NSMAF: variants seen among roughly 807,000 people sequenced by gnomAD.
The protein encoded by NSMAF is protein FAN.
NSMAF carries 90 observed loss-of-function variants against 134.9 expected under a neutral mutation model. The observed-to-expected ratio is 0.67, with a 90% CI of 0.56 to 0.79. The LOEUF (loss-of-function observed/expected upper bound fraction) is 0.79, where lower values mean the gene tolerates loss of function less well. Among genes scored for constraint, NSMAF ranks in the 30% least tolerant of loss-of-function variants. NSMAF has a pLI of 0.00. For synonymous variants in NSMAF, 358 were observed against 389.6 expected (o/e 0.92, Z 0.96); for missense variants, 1,010 against 1,119.0 (o/e 0.90, Z 1.39).
rs918773666 is a variant in NSMAF, at chr8:58,619,188, A to G, written c.557+4032T>C. Among the ~76,000 whole-genome samples, 4 of 152,194 alleles carry G rather than the reference A, an allele frequency of 2.6e-5. No individual in the cohort carries two copies. In the East Asian group the frequency reaches 5.8e-4, roughly 22 times the overall value. ...TAAAAATGGAAATAAAATTAACGCT[A>G]TATAGTGAAGCAGAGAAAGAATCAA... On this transcript the variant is annotated intron_variant, in intron 9 of 30. Transcript: ENST00000038176.
rs1192212286 is a variant in NSMAF at position 58,586,701 on chromosome 8, T to C, written c.2296-93A>G. On this transcript the variant is annotated intron_variant, in intron 27 of 30. Coordinates refer to ENST00000038176, the MANE Select transcript of NSMAF (RefSeq NM_003580.4). ...TGGTTCAAATATGTAGTCATCATGA[T>C]ATAAATTAAACTCTATTGTGCAGTA... The C allele has an allele frequency of 1.1e-5, 11 of 1,044,062 alleles. No individual in the cohort carries two copies. The East Asian group carries it at 2.4e-4, about 23-fold the overall frequency. The allele number at this position is 1,044,062 out of a possible 1,614,324, so 64.7% of individuals were successfully genotyped here.
Position 58,597,665 on chromosome 8 carries a change from A to G in NSMAF, c.1629-115T>C, listed in dbSNP as rs181166254. On this transcript the variant is annotated intron_variant, in intron 20 of 30. Coordinates refer to ENST00000038176, the MANE Select transcript of NSMAF (RefSeq NM_003580.4). The stretch of plus-strand genomic sequence containing the variant: ...GACTAACCCTCAAATAATGACAGCA[A>G]CTATGTACCAGGATTGTCTAAACCT... The G allele has an allele frequency of 9.3e-5, 98 of 1,053,842 alleles. No homozygotes were observed. In the East Asian group the frequency reaches 1.3e-3, roughly 14 times the overall value. 65.3% of individuals were successfully genotyped at this position (1,053,842 alleles called of 1,614,324 possible). A position where few individuals can be genotyped will look rare whatever the true frequency, so the allele number is the denominator to read the frequency against.
intron 14 of NSMAF, 41 bp from the exon 15 acceptor site, chr8:58,601,576 G>A: frequency 1.3e-6 from 2 of 1,557,432 alleles, no homozygotes; most frequent in East Asian, 2.3e-5. Context: ...CTAAGTGTTG[G>A]CTATGAAATA....
intron 21 of NSMAF, among the ~76,000 whole-genome samples, chr8:58,596,998 T>C (rs1806151350): frequency 6.6e-6 from 1 of 151,368 alleles, no homozygotes; most frequent in South Asian, 2.1e-4. Context: ...AGAAAGTCCC[T>C]TCTGGAAGAC....
chr8:58,640,184 T>C, intron 2 of NSMAF: 2 of 409,196 alleles, frequency 4.9e-6, no homozygotes, highest in Non-Finnish European at 9.9e-6. Context: ...AGATCTTATA[T>C]GTTCTTATTC....
At chr8:58,593,762 A>C (rs1806071659) in intron 23 of NSMAF, among the ~76,000 whole-genome samples, 1 of 152,276 alleles carries the variant, frequency 6.6e-6, no homozygotes, top group Non-Finnish European at 1.5e-5. Context: ...GTATAAGCAT[A>C]TTAAATAATA....
intron 11 of NSMAF, among the ~76,000 whole-genome samples, chr8:58,606,540 C>A (rs1034367675): frequency 6.6e-6 from 1 of 152,122 alleles, no homozygotes; most frequent in African/African-American, 2.4e-5. Flanking sequence ...CTCAGCCTCT[C>A]GAGTAGCTAA....
chr8:58,586,204 GT>G (rs1805882151), intron 28 of NSMAF: 2 of 630,076 alleles, frequency 3.2e-6, no homozygotes, highest in Non-Finnish European at 2.8e-6. Flanking sequence ...TTGATTATGA[GT>G]TCATTTTTAT....
intron 2 of NSMAF, 110 bp from the exon 3 acceptor site, chr8:58,635,656 A>G (rs1807157963): frequency 3.0e-6 from 2 of 663,800 alleles, no homozygotes; most frequent in Admixed American, 2.8e-5. Flanking sequence ...ATAATAAAAG[A>G]TCAATAATGC....
chr8:58,656,954 T>C (rs1419049479), intron 1 of NSMAF, among the ~76,000 whole-genome samples: 1 of 152,186 alleles, frequency 6.6e-6, no homozygotes, highest in Non-Finnish European at 1.5e-5. Flanking sequence ...ACTATCGCAA[T>C]TACTTATACT....
In NSMAF at chr8:58,605,920, G is replaced by A. The variant is rs764170653; in HGVS notation, c.868+7C>T. On this transcript the variant is annotated splice_region_variant and intron_variant, in intron 12 of 30. Coordinates refer to ENST00000038176, the MANE Select transcript of NSMAF (RefSeq NM_003580.4). ...AAGAAAGAAACAATGAAGGGTGAGCGCCAAACCTAGGTATGTGGCAATGTA... is the reference window on the plus strand; with the variant it reads ...AAGAAAGAAACAATGAAGGGTGAGCACCAAACCTAGGTATGTGGCAATGTA... 5.2e-6 allele frequency: 8 copies of A among 1,543,010 alleles called. No individual in the cohort carries two copies. The highest frequency in any genetic ancestry group is 2.6e-5 in the South Asian group (2 of 78,416).
Position 58,589,989 on chromosome 8 carries a change from G to A in NSMAF, c.2087+18C>T. The A allele has an allele frequency of 6.2e-7, 1 of 1,607,720 alleles. No homozygotes were observed. Among genetic ancestry groups the A allele is most frequent in the Non-Finnish European group, 8.5e-7 (1 of 1,174,318 alleles). ...ATTCTGCACGTCGAATCACAGAGCA[G>A]GGTGCACAGATACATACACATTATT... On this transcript the variant is annotated intron_variant, in intron 25 of 30. Transcript: ENST00000038176.
chr8:58,586,341 T>C (rs1805884386), intron 28 of NSMAF, 117 bp downstream of exon 28: 3 of 1,059,484 alleles, frequency 2.8e-6, no homozygotes, highest in South Asian at 1.5e-5. Flanking sequence ...ACCTCTTTTA[T>C]CAGCAAATAG....
intron 9 of NSMAF, among the ~76,000 whole-genome samples, chr8:58,619,290 G>C (rs1806730867): frequency 6.6e-6 from 1 of 152,116 alleles, no homozygotes; most frequent in Admixed American, 6.6e-5. Flanking sequence ...AAAATGTAGG[G>C]TAAGGGTCAA....
chr8:58,591,481 C>CTTT lies in NSMAF; in HGVS notation c.1952-550_1952-548dup, dbSNP rs1018380152. On this transcript the variant is annotated intron_variant, in intron 23 of 30. Transcript: ENST00000038176. ...ATTTTCTTGTGTAACAGAAACCTTC[C>CTTT]TTTTTTTTTTTTTTTTTTTTTTTTT... 2.8e-3 allele frequency among the ~76,000 whole-genome samples: 263 copies of CTTT among 94,466 alleles called. 11 individuals carry two copies. Among genetic ancestry groups the CTTT allele is most frequent in the African/African-American group, 0.01 (204 of 19,530 alleles). 62.0% of individuals were successfully genotyped at this position (94,466 alleles called of 152,430 possible). A position where few individuals can be genotyped will look rare whatever the true frequency, so the allele number is the denominator to read the frequency against.
intron 2 of NSMAF, among the ~76,000 whole-genome samples, chr8:58,639,788 C>T (rs888542977): frequency 6.6e-6 from 1 of 152,034 alleles, no homozygotes; most frequent in Admixed American, 6.6e-5. Context: ...TACATACATA[C>T]ACACAATGGA....
chr8:58,650,632 A>G (rs1252278671), intron 1 of NSMAF, among the ~76,000 whole-genome samples: 1 of 152,164 alleles, frequency 6.6e-6, no homozygotes, highest in Non-Finnish European at 1.5e-5. Flanking sequence ...GGAACTTTCA[A>G]TATCTGCTTT....
At chr8:58,646,802 T>G (rs1807465280) in intron 1 of NSMAF, among the ~76,000 whole-genome samples, 1 of 152,204 alleles carries the variant, frequency 6.6e-6, no homozygotes, top group African/African-American at 2.4e-5. Context: ...GTATTGTATC[T>G]GACTGTAAAT....
Position 58,583,997 on chromosome 8 carries a change from G to T in NSMAF, c.*109C>A. The T allele has an allele frequency of 1.2e-6, 1 of 869,486 alleles. No individual in the cohort carries two copies. The allele number at this position is 869,486 out of a possible 1,614,324, so 53.9% of individuals were successfully genotyped here. On this transcript the variant is annotated 3_prime_UTR_variant, in exon 31 of 31. Coordinates refer to ENST00000038176, the MANE Select transcript of NSMAF (RefSeq NM_003580.4). ...GTTTAAAACCACAAATTTTCCATGT[G>T]GTAAAACTTCTAATTACTAACATTG...
Sources: allele counts gnomAD v4.1 joint callset (sites outside exome capture counted in the v4.1 genomes callset), GRCh38; gene constraint gnomAD v4.1.1; transcripts MANE v1.5; gene names NCBI Gene and HGNC (gene_info 2026-07-23, HGNC 2026-07-21).